Variants in DGKB observed in about 807,000 individuals in gnomAD.
DGKB encodes the protein diacylglycerol kinase beta, also known as 90 kDa diacylglycerol kinase.
Under a neutral mutation model 114.3 loss-of-function variants are expected in DGKB, and 67 were observed. The observed-to-expected ratio is 0.59, with a 90% CI of 0.48 to 0.72. DGKB has a LOEUF of 0.72. Among genes scored for constraint, DGKB ranks in the 30% least tolerant of loss-of-function variants. The pLI, the probability that DGKB is intolerant of heterozygous loss-of-function variation, is 0.00. For synonymous variants in DGKB, 398 were observed against 323.1 expected (o/e 1.23, Z -2.49); for missense variants, 907 against 975.2 (o/e 0.93, Z 0.93).
intron 2 of DGKB, among the ~76,000 whole-genome samples, chr7:14,825,179 T>G (rs1359996178): frequency 1.3e-5 from 2 of 151,502 alleles, no homozygotes; most frequent in African/African-American, 2.4e-5. Context: ...GGAGCTGCCC[T>G]TCAGAGCAGG....
intron 18 of DGKB, 40 bp downstream of exon 18, chr7:14,583,012 T>C: frequency 7.8e-7 from 1 of 1,277,232 alleles, no homozygotes; most frequent in Non-Finnish European, 1.1e-6. Flanking sequence ...TTAAAGCTAT[T>C]GCTCTCTCCC....
At chr7:14,446,917 T>C (rs1830798011) in intron 21 of DGKB, among the ~76,000 whole-genome samples, 1 of 152,150 alleles carries the variant, frequency 6.6e-6, no homozygotes, top group Admixed American at 6.6e-5. Context: ...GTGGTGTAAC[T>C]AGCAGGTGGA....
At chr7:14,179,885 C>A (rs934604768) in intron 23 of DGKB, among the ~76,000 whole-genome samples, 11 of 152,170 alleles carry the variant, frequency 7.2e-5, no homozygotes, top group African/African-American at 1.9e-4. Context: ...CCCATTTAGA[C>A]TTATTTCTCA....
At chr7:14,900,117 T>A (rs186346702) in intron 1 of DGKB, among the ~76,000 whole-genome samples, 138 of 152,274 alleles carry the variant, frequency 9.1e-4, no homozygotes, top group African/African-American at 3.2e-3. Flanking sequence ...ACTCATTCGT[T>A]GTGTGACGAA....
Position 14,628,307 on chromosome 7 carries a change from A to ATGTGTGTGTGTGTGTGTGTGTGTGTGTG in DGKB, c.1167+1928_1167+1929insCACACACACACACACACACACACACACA, listed in dbSNP as rs139191761. 1.3e-3 allele frequency among the ~76,000 whole-genome samples: 202 copies of ATGTGTGTGTGTGTGTGTGTGTGTGTGTG among 150,564 alleles called. 1 individual carries two copies. The highest frequency in any genetic ancestry group is 3.4e-3 in the Middle Eastern group (1 of 294). The stretch of plus-strand genomic sequence containing the variant: ...TTAGAAAGACAAAATAACACAAGTT[A>ATGTGTGTGTGTGTGTGTGTGTGTGTGTG]TGTGTGTGTGTGTGTGTGGTGTGTA... On this transcript the variant is annotated intron_variant, in intron 14 of 25. Coordinates refer to ENST00000402815, the MANE Select transcript of DGKB (RefSeq NM_001350709.2).
intron 8 of DGKB, among the ~76,000 whole-genome samples, chr7:14,697,780 A>AAGAAACAAAG (rs1824273506): frequency 7.3e-6 from 1 of 136,578 alleles, no homozygotes; most frequent in Non-Finnish European, 1.6e-5. Flanking sequence ...AACAAAGAGA[A>AAGAAACAAAG]AGAAAGAAAG....
At position 14,755,251 on chromosome 7, in the gene DGKB, C is replaced by G. The variant is rs1044616948; in HGVS notation, c.148-1303G>C. 3.9e-5 allele frequency among the ~76,000 whole-genome samples: 6 copies of G among 151,998 alleles called. No individual in the cohort carries two copies. In the East Asian group the frequency reaches 9.6e-4, roughly 24 times the overall value. ...ACATATTATACTTAATATTTTTTCT[C>G]TATTAAAATAGACTTCAACAGGTCA... On this transcript the variant is annotated intron_variant, in intron 3 of 25. Coordinates refer to ENST00000402815, the MANE Select transcript of DGKB (RefSeq NM_001350709.2).
chr7:14,879,690 G>C (rs1426656662), intron 1 of DGKB, among the ~76,000 whole-genome samples: 1 of 152,116 alleles, frequency 6.6e-6, no homozygotes, highest in African/African-American at 2.4e-5. Context: ...AGTCCCTTTA[G>C]TTGGGAAGAA....
chr7:14,159,824 C>T (rs1453938686), intron 25 of DGKB, among the ~76,000 whole-genome samples: 2 of 152,048 alleles, frequency 1.3e-5, no homozygotes, highest in Admixed American at 1.3e-4. Flanking sequence ...AGGCGTCCAC[C>T]ACCACGCCCA....
intron 23 of DGKB, among the ~76,000 whole-genome samples, chr7:14,200,078 C>T (rs11982041): frequency 0.4 from 61,226 of 151,880 alleles, 13,358 homozygotes; most frequent in African/African-American, 0.56. Flanking sequence ...CATGCCACTG[C>T]ATAGAGGTCA....
chr7:14,965,288 T>C (rs1787086188), intron 1 of DGKB, among the ~76,000 whole-genome samples: 1 of 152,160 alleles, frequency 6.6e-6, no homozygotes, highest in Admixed American at 6.6e-5. Context: ...ATAAATATAT[T>C]GCCATAAGTA....
chr7:14,869,044 G>A (rs892045562), intron 1 of DGKB, among the ~76,000 whole-genome samples: 12 of 152,082 alleles, frequency 7.9e-5, no homozygotes, highest in Non-Finnish European at 1.8e-4. Flanking sequence ...AGTCCTTCTA[G>A]GTGTTTTAAT....
intron 20 of DGKB, among the ~76,000 whole-genome samples, chr7:14,540,674 C>T (rs1584686163): frequency 6.6e-6 from 1 of 151,974 alleles, no homozygotes; most frequent in Non-Finnish European, 1.5e-5. Context: ...TTTATTTTTT[C>T]ATTACTTTCC....
intron 23 of DGKB, among the ~76,000 whole-genome samples, chr7:14,206,527 G>T (rs1459254531): frequency 6.6e-6 from 1 of 151,984 alleles, no homozygotes; most frequent in Non-Finnish European, 1.5e-5. Context: ...GCTTAATAAG[G>T]CAAGCAATAC....
At chr7:14,508,588 G>A (rs1040315972) in intron 20 of DGKB, among the ~76,000 whole-genome samples, 1 of 151,884 alleles carries the variant, frequency 6.6e-6, no homozygotes, top group African/African-American at 2.4e-5. Context: ...ATGCTCCTTA[G>A]CAACTACTGT....
At chr7:14,237,985 T>C (rs898882844) in intron 23 of DGKB, among the ~76,000 whole-genome samples, 2 of 152,096 alleles carry the variant, frequency 1.3e-5, no homozygotes, top group Non-Finnish European at 2.9e-5. Flanking sequence ...ATTATTTTTG[T>C]ATTAACACAT....
intron 4 of DGKB, among the ~76,000 whole-genome samples, chr7:14,747,529 A>C (rs79510017): frequency 0.012 from 1,784 of 152,270 alleles, 39 homozygotes; most frequent in African/African-American, 0.041. Flanking sequence ...TGATAAATGG[A>C]TGATATCTTC....
chr7:14,971,321 T>C (rs996020415), intron 1 of DGKB, among the ~76,000 whole-genome samples: 3 of 152,164 alleles, frequency 2.0e-5, no homozygotes, highest in Non-Finnish European at 4.4e-5. Flanking sequence ...AGCTCTGAGA[T>C]ATTAGAGGAA....
At chr7:14,808,936 C>A (rs185672911) in intron 2 of DGKB, among the ~76,000 whole-genome samples, 2 of 152,232 alleles carry the variant, frequency 1.3e-5, no homozygotes, top group African/African-American at 4.8e-5. Flanking sequence ...TCCAGAATAA[C>A]CTTGCCACAT....
Sources: allele counts gnomAD v4.1 joint callset (sites outside exome capture counted in the v4.1 genomes callset), GRCh38; gene constraint gnomAD v4.1.1; transcripts MANE v1.5; gene names NCBI Gene and HGNC (gene_info 2026-07-23, HGNC 2026-07-21).